FGF14: variants seen among roughly 807,000 people sequenced by gnomAD.
FGF14 encodes fibroblast growth factor homologous factor 4.
Under a neutral mutation model 25.5 loss-of-function variants are expected in FGF14, and 5 were observed. The observed-to-expected ratio is 0.20, with a 90% CI of 0.10 to 0.41. FGF14 has a LOEUF of 0.41. Ranked by LOEUF, FGF14 falls within the 10% of genes least tolerant of loss-of-function variation. The pLI is 1.00. For synonymous variants in FGF14, 138 were observed against 118.3 expected, an observed-to-expected ratio of 1.17 and a Z score of -1.08; for missense variants, 222 against 320.1, an observed-to-expected ratio of 0.69 and a Z score of 2.34.
chr13:101,838,923 A>G (rs1036534324), intron 3 of FGF14, among the ~76,000 whole-genome samples: 2 of 152,092 alleles, frequency 1.3e-5, no homozygotes, highest in Non-Finnish European at 1.5e-5. Context: ...TTTTAGAGCT[A>G]TAAGTAGAGG....
intron 1 of FGF14, among the ~76,000 whole-genome samples, chr13:102,078,211 A>G (rs575292952): frequency 2.6e-5 from 4 of 152,298 alleles, no homozygotes; most frequent in African/African-American, 9.6e-5. Flanking sequence ...CAAGAAATCT[A>G]TTGTCCAATA....
intron 1 of FGF14, among the ~76,000 whole-genome samples, chr13:102,269,952 G>C (rs957555677): frequency 6.6e-6 from 1 of 152,144 alleles, no homozygotes; most frequent in Non-Finnish European, 1.5e-5. Context: ...CACCACGCCC[G>C]AGTGGAGTTG....
chr13:102,346,932 A>C (rs2057124463), intron 1 of FGF14, among the ~76,000 whole-genome samples: 1 of 152,130 alleles, frequency 6.6e-6, no homozygotes, highest in East Asian at 1.9e-4. Context: ...CCATATTCTA[A>C]TGGAGTGGAA....
At chr13:102,282,297 C>A (rs901591091) in intron 1 of FGF14, among the ~76,000 whole-genome samples, 8 of 152,062 alleles carry the variant, frequency 5.3e-5, no homozygotes, top group Non-Finnish European at 7.4e-5. Context: ...AACTCCCAAC[C>A]TCAGGTGATC....
chr13:101,777,942 T>C (rs2039236924), intron 3 of FGF14, among the ~76,000 whole-genome samples: 1 of 151,968 alleles, frequency 6.6e-6, no homozygotes, highest in African/African-American at 2.4e-5. Flanking sequence ...CCAGCCTGGG[T>C]GACAAGAGCA....
chr13:101,975,398 T>C (rs1376442506), intron 1 of FGF14, among the ~76,000 whole-genome samples: 2 of 152,004 alleles, frequency 1.3e-5, no homozygotes, highest in East Asian at 3.9e-4. Context: ...CACCACCTTC[T>C]CCAAAACACA....
intron 1 of FGF14, among the ~76,000 whole-genome samples, chr13:102,380,438 T>C (rs1289184071): frequency 6.6e-6 from 1 of 152,154 alleles, no homozygotes; most frequent in Non-Finnish European, 1.5e-5. Flanking sequence ...TCTAGTTAAC[T>C]CCCAGTTTCA....
At chr13:102,029,722 C>G (rs906462323) in intron 1 of FGF14, among the ~76,000 whole-genome samples, 7 of 152,168 alleles carry the variant, frequency 4.6e-5, no homozygotes, top group African/African-American at 1.7e-4. Context: ...TTTTTTAACC[C>G]TCCACTCCCA....
chr13:101,862,221 T>C (rs2044455696), intron 3 of FGF14, among the ~76,000 whole-genome samples: 1 of 151,910 alleles, frequency 6.6e-6, no homozygotes, highest in Non-Finnish European at 1.5e-5. Flanking sequence ...TTGTGATGGG[T>C]TTTCTTCATT....
intron 1 of FGF14, among the ~76,000 whole-genome samples, chr13:102,261,542 C>CT (rs2052717068): frequency 6.6e-6 from 1 of 152,178 alleles, no homozygotes; most frequent in Admixed American, 6.5e-5. Flanking sequence ...ACCCGTTATA[C>CT]TACCCTCTCT....
chr13:102,350,768 A>G (rs16960079), intron 1 of FGF14, among the ~76,000 whole-genome samples: 5,786 of 152,276 alleles, frequency 0.038, 319 homozygotes, highest in African/African-American at 0.11. Context: ...ATGTGGGAAT[A>G]ACAGAGCTTC....
At chr13:101,900,012 T>A (rs1248999703) in intron 1 of FGF14, among the ~76,000 whole-genome samples, 7 of 152,156 alleles carry the variant, frequency 4.6e-5, no homozygotes, top group African/African-American at 1.7e-4. Flanking sequence ...GTAGATTTAG[T>A]CTAGAAATTT....
At chr13:101,753,730 GA>G (rs2139855898) in intron 3 of FGF14, among the ~76,000 whole-genome samples, 1 of 151,696 alleles carries the variant, frequency 6.6e-6, no homozygotes, top group East Asian at 2.0e-4. Context: ...TTGAACCCGG[GA>G]GACGCAGGTT....
chr13:102,339,583 T>C (rs2056890475), intron 1 of FGF14, among the ~76,000 whole-genome samples: 1 of 152,148 alleles, frequency 6.6e-6, no homozygotes, highest in Non-Finnish European at 1.5e-5. Context: ...AGTGGCATCA[T>C]AGTTCTCAAC....
intron 1 of FGF14, among the ~76,000 whole-genome samples, chr13:101,912,232 A>G (rs2033017836): frequency 6.6e-6 from 1 of 152,080 alleles, no homozygotes; most frequent in Non-Finnish European, 1.5e-5. Flanking sequence ...CTCACTTTCC[A>G]TTCCTTATAC....
At chr13:102,224,556 C>A (rs1184701122) in intron 1 of FGF14, among the ~76,000 whole-genome samples, 4 of 152,016 alleles carry the variant, frequency 2.6e-5, no homozygotes, top group African/African-American at 9.7e-5. Flanking sequence ...AGGGTCCTAT[C>A]CAACTGAAAT....
chr13:102,230,740 C>T (rs1057259845), intron 1 of FGF14, among the ~76,000 whole-genome samples: 2 of 152,114 alleles, frequency 1.3e-5, no homozygotes, highest in Admixed American at 6.6e-5. Flanking sequence ...GTTATAAGAT[C>T]GAGTAGATGG....
rs1039101035 is a variant in FGF14, at chr13:101,714,948, T to G, written c.*7883A>C. 1 of 198,014 alleles carries G rather than the reference T, an allele frequency of 5.1e-6. No individual in the cohort carries two copies. Among genetic ancestry groups the G allele is most frequent in the African/African-American group, 2.4e-5 (1 of 42,504 alleles). 12.3% of individuals were successfully genotyped at this position (198,014 alleles called of 1,614,324 possible). A position where few individuals can be genotyped will look rare whatever the true frequency, so the allele number is the denominator to read the frequency against. ...ACCACTAGTTGATGTGTTGGTTGCTTTTAGGGAACTGGATGTGTGTATGGG... is the reference window on the plus strand; with the variant it reads ...ACCACTAGTTGATGTGTTGGTTGCTGTTAGGGAACTGGATGTGTGTATGGG... On this transcript the variant is annotated 3_prime_UTR_variant, in exon 5 of 5. Transcript: ENST00000376143.
intron 1 of FGF14, among the ~76,000 whole-genome samples, chr13:102,356,927 G>GCATA (rs948022324): frequency 8.7e-6 from 1 of 115,062 alleles, no homozygotes; most frequent in Non-Finnish European, 1.7e-5. Flanking sequence ...TCTATAAAAT[G>GCATA]CATATATATA....
Sources: gnomAD v4.1 joint callset for allele counts (sites outside exome capture counted in the v4.1 genomes callset) on GRCh38, gnomAD v4.1.1 for gene constraint, MANE v1.5 for transcripts, NCBI Gene and HGNC (gene_info 2026-07-23, HGNC 2026-07-21) for gene names.